The following VMP1 variants were observed in gnomAD, a reference collection of about 807,000 sequenced individuals.
VMP1 encodes vacuole membrane protein 1.
In VMP1, 11 loss-of-function variants were observed where a neutral mutation model predicts 56.0. The observed-to-expected ratio is 0.20, with a 90% CI of 0.12 to 0.32. The LOEUF is 0.32. VMP1 is among the 10% of genes least tolerant of loss of function. VMP1 has a pLI of 1.00. For missense variants in VMP1, 296 were observed against 490.3 expected, an observed-to-expected ratio of 0.60 and a Z score of 3.74; for synonymous variants, 149 against 165.0, an observed-to-expected ratio of 0.90 and a Z score of 0.74.
At chr17:59,723,113 T>C (rs2034463198) in intron 1 of VMP1, among the ~76,000 whole-genome samples, 1 of 152,194 alleles carries the variant, frequency 6.6e-6, no homozygotes, top group African/African-American at 2.4e-5. Flanking sequence ...ATTATACAAG[T>C]CCCTTACCTC....
At chr17:59,741,373 A>G (rs79835213) in intron 5 of VMP1, among the ~76,000 whole-genome samples, 210 of 152,292 alleles carry the variant, frequency 1.4e-3, no homozygotes, top group African/African-American at 4.8e-3. Flanking sequence ...GATAGGAAGA[A>G]TGGATAGCAA....
At chr17:59,823,799 G>A (rs2038540142) in intron 10 of VMP1, among the ~76,000 whole-genome samples, 1 of 151,658 alleles carries the variant, frequency 6.6e-6, no homozygotes, top group African/African-American at 2.4e-5. Context: ...AACTAAATTA[G>A]TAAACTTCAG....
chr17:59,744,482 AAGTC>A (rs2035348990), intron 5 of VMP1, among the ~76,000 whole-genome samples: 2 of 148,812 alleles, frequency 1.3e-5, no homozygotes, highest in South Asian at 4.2e-4. Flanking sequence ...AAAAAAAAAA[AAGTC>A]AATATTTAAA....
chr17:59,773,440 G>T (rs1447899107), intron 6 of VMP1, among the ~76,000 whole-genome samples: 1 of 149,046 alleles, frequency 6.7e-6, no homozygotes, highest in East Asian at 2.0e-4. Flanking sequence ...TCAGAATGTT[G>T]CCCAGGCTGG....
chr17:59,794,993 A>G (rs984798047), intron 7 of VMP1, among the ~76,000 whole-genome samples: 2 of 73,970 alleles, frequency 2.7e-5, no homozygotes, highest in Admixed American at 1.7e-4. Context: ...GGCAGATTTG[A>G]TCTTTTTTTT....
At chr17:59,783,206 A>C (rs566359423) in intron 7 of VMP1, among the ~76,000 whole-genome samples, 1 of 152,304 alleles carries the variant, frequency 6.6e-6, no homozygotes, top group South Asian at 2.1e-4. Context: ...AAAAAAACAA[A>C]AAGAAATTGT....
chr17:59,839,489 G>C (rs746124291), intron 11 of VMP1: 14 of 349,294 alleles, frequency 4.0e-5, no homozygotes, highest in Admixed American at 1.9e-4. Context: ...TAATCAAAGA[G>C]TTTATTCTTA....
rs575420234 is a variant in VMP1, at chr17:59,839,642, T to G, written c.1078-126T>G. 2.4e-6 allele frequency: 3 copies of G among 1,248,904 alleles called. No individual in the cohort carries two copies. In the East Asian group the frequency reaches 7.5e-5, roughly 31 times the overall value. The allele number at this position is 1,248,904 out of a possible 1,614,324, so 77.4% of individuals were successfully genotyped here. ...GAGATTTCAGAGTAGTTGGGGTTGCTTACTTTTCATTTTTAATTCTTTAGG... is the reference window on the plus strand; with the variant it reads ...GAGATTTCAGAGTAGTTGGGGTTGCGTACTTTTCATTTTTAATTCTTTAGG... On this transcript the variant is annotated intron_variant, in intron 11 of 11. Transcript: ENST00000262291.
chr17:59,840,228 C>T lies in VMP1; in HGVS notation c.*317C>T, dbSNP rs753071850. 5.2e-5 allele frequency: 13 copies of T among 249,998 alleles called. No individual in the cohort carries two copies. Among genetic ancestry groups the T allele is most frequent in the Non-Finnish European group, 9.2e-5 (12 of 131,094 alleles). The allele number at this position is 249,998 out of a possible 1,614,324, so 15.5% of individuals were successfully genotyped here. ...CATGATACAATTAGAGAATTCCCAC[C>T]GCACAAAAAAAGTTCCTAAGTATGT... On this transcript the variant is annotated 3_prime_UTR_variant, in exon 12 of 12. Transcript: ENST00000262291.
At chr17:59,747,986 G>A (rs888522621) in intron 5 of VMP1, among the ~76,000 whole-genome samples, 1 of 151,792 alleles carries the variant, frequency 6.6e-6, no homozygotes, top group Non-Finnish European at 1.5e-5. Context: ...CACGAGGTCA[G>A]AAGATCGAGA....
At chr17:59,832,761 AT>A (rs71145580) in intron 10 of VMP1, among the ~76,000 whole-genome samples, 149 of 101,306 alleles carry the variant, frequency 1.5e-3, no homozygotes, top group East Asian at 4.3e-3. Context: ...GCCTGGCAAT[AT>A]TTTTTTTTTT....
chr17:59,734,351 G>A (rs941120090), intron 2 of VMP1, among the ~76,000 whole-genome samples: 2 of 152,204 alleles, frequency 1.3e-5, no homozygotes, highest in African/African-American at 2.4e-5. Context: ...CAACGCGGAT[G>A]TACTAAACAA....
At chr17:59,792,714 G>A (rs1393965500) in intron 7 of VMP1, among the ~76,000 whole-genome samples, 2 of 150,644 alleles carry the variant, frequency 1.3e-5, no homozygotes, top group African/African-American at 2.4e-5. Context: ...AAAATTAGCC[G>A]GGCACATGCC....
At chr17:59,724,035 A>T (rs765251012) in intron 1 of VMP1, among the ~76,000 whole-genome samples, 1 of 152,054 alleles carries the variant, frequency 6.6e-6, no homozygotes, top group Non-Finnish European at 1.5e-5. Context: ...AAAATGGGGA[A>T]ACCCAGTCTC....
At chr17:59,749,264 T>G (rs1224647208) in intron 5 of VMP1, among the ~76,000 whole-genome samples, 2 of 151,680 alleles carry the variant, frequency 1.3e-5, no homozygotes, top group African/African-American at 4.8e-5. Flanking sequence ...GCCAATAAAT[T>G]TTTAAATATA....
chr17:59,763,272 C>CT (rs1432661195), intron 5 of VMP1, among the ~76,000 whole-genome samples: 1 of 151,606 alleles, frequency 6.6e-6, no homozygotes, highest in Non-Finnish European at 1.5e-5. Context: ...CAAAATAATT[C>CT]TTTTTTCCCC....
At chr17:59,739,052 G>C (rs1425388136) in intron 5 of VMP1, 105 bp downstream of exon 5, 1 of 891,064 alleles carries the variant, frequency 1.1e-6, no homozygotes, top group Non-Finnish European at 1.6e-6. Flanking sequence ...AATTACCTTT[G>C]TGTTTTGTAA....
In VMP1 at chr17:59,765,074, G is replaced by A. The variant is rs772122767; in HGVS notation, c.518G>A (p.Gly173Asp). 1 of 1,614,062 alleles carries A rather than the reference G, an allele frequency of 6.2e-7. No homozygotes were observed. Among genetic ancestry groups the A allele is most frequent in the Admixed American group, 1.7e-5 (1 of 60,012 alleles). ...CAGATTATTTGTCCAGATGAAGAGG[G>A]CACTGAAGGAACCATTTCTTTGTGG... is the stretch of plus-strand genomic sequence containing the variant. ...PDQIICPDEE[G>D]TEGTISLWSI... The change falls in exon 6 of 12, where the codon GGC becomes GAC. Residue 173 changes from glycine (G) to aspartate (D), a missense_variant. By Grantham distance (94) the Gly-to-Asp change is moderately conservative. This residue lies in a region of VMP1 where 126 missense variants were observed against 231.6 expected (regional missense o/e 0.54). Transcript: ENST00000262291.
At chr17:59,715,922 A>G (rs1018285530) in intron 1 of VMP1, among the ~76,000 whole-genome samples, 1 of 151,764 alleles carries the variant, frequency 6.6e-6, no homozygotes, top group African/African-American at 2.4e-5. Context: ...TTTTTCTTTT[A>G]TTTTGGCCTG....
Sources: gnomAD v4.1 joint callset for allele counts (sites outside exome capture counted in the v4.1 genomes callset) on GRCh38, gnomAD v4.1.1 for gene constraint, gnomAD v4.1.1 regional missense constraint, MANE v1.5 for transcripts, NCBI Gene and HGNC (gene_info 2026-07-23, HGNC 2026-07-21) for gene names.